Variants in MBD5 observed in about 807,000 individuals in gnomAD.
The protein encoded by MBD5 is methyl-CpG binding domain protein 5, also known as methyl-CpG-binding domain protein 5.
Under a neutral mutation model 117.3 loss-of-function variants are expected in MBD5, and 13 were observed. That is an observed-to-expected ratio of 0.11 (90% confidence interval 0.07 to 0.18). The LOEUF is 0.18. Ranked by LOEUF, MBD5 falls within the 10% of genes least tolerant of loss-of-function variation. The probability of loss-of-function intolerance (pLI) is 1.00; values close to 1 mark genes in which losing one functional copy is unlikely to be tolerated. For synonymous variants in MBD5, 727 were observed against 766.4 expected, an observed-to-expected ratio of 0.95 and a Z score of 0.85; for missense variants, 1,879 against 2,093.8, an observed-to-expected ratio of 0.90 and a Z score of 2.00.
chr2:148,273,583 A>G (rs1318031934), intron 3 of MBD5, among the ~76,000 whole-genome samples: 1 of 152,142 alleles, frequency 6.6e-6, no homozygotes, highest in African/African-American at 2.4e-5. Flanking sequence ...AAACAGTGCA[A>G]GAATACAGCT....
chr2:148,508,014 T>C (rs1026547379), intron 12 of MBD5, among the ~76,000 whole-genome samples: 4 of 152,094 alleles, frequency 2.6e-5, no homozygotes, highest in Admixed American at 2.6e-4. Context: ...ACAAAAGAAA[T>C]AGTGAGGATA....
rs1355698640 is a variant in MBD5, at chr2:148,021,578, C to G, written c.-1031C>G. ...CCCAGGAGCAGCCACTTCCCCAGCT[C>G]TCCTCCTCCTCCTTCGCCTCCTCCT... On this transcript the variant is annotated 5_prime_UTR_variant, in exon 1 of 14. Transcript: ENST00000642680. The G allele has an allele frequency of 2.0e-6, 1 of 497,790 alleles. No homozygotes were observed. The highest frequency in any genetic ancestry group is 3.9e-6 in the Non-Finnish European group (1 of 255,144). The allele number at this position is 497,790 out of a possible 1,614,324, so 30.8% of individuals were successfully genotyped here.
chr2:148,278,372 TAGAG>T (rs1701163804), intron 3 of MBD5, among the ~76,000 whole-genome samples: 1 of 152,178 alleles, frequency 6.6e-6, no homozygotes, highest in Non-Finnish European at 1.5e-5. Flanking sequence ...ATATAGCTGA[TAGAG>T]AGGCTTGTTG....
At chr2:148,177,303 GC>G (rs2105833184) in intron 1 of MBD5, among the ~76,000 whole-genome samples, 1 of 152,258 alleles carries the variant, frequency 6.6e-6, no homozygotes, top group East Asian at 1.9e-4. Context: ...TAATCAAGAT[GC>G]CTGTAAAGAA....
chr2:148,057,875 A>G (rs950005097), intron 1 of MBD5, among the ~76,000 whole-genome samples: 7 of 151,860 alleles, frequency 4.6e-5, no homozygotes, highest in Non-Finnish European at 1.0e-4. Flanking sequence ...TTGTTGTTTT[A>G]TTGCTGCTTT....
intron 4 of MBD5, among the ~76,000 whole-genome samples, chr2:148,445,305 G>A (rs1212501531): frequency 6.7e-6 from 1 of 149,534 alleles, no homozygotes; most frequent in Non-Finnish European, 1.5e-5. Context: ...CCCCATGACA[G>A]GCCCCAGTGT....
intron 4 of MBD5, among the ~76,000 whole-genome samples, chr2:148,370,126 A>C (rs1243648930): frequency 6.6e-6 from 1 of 152,144 alleles, no homozygotes; most frequent in Non-Finnish European, 1.5e-5. Flanking sequence ...ATGTTTTGTT[A>C]AAAAAGACTT....
chr2:148,231,059 A>G (rs1217991443), intron 2 of MBD5, among the ~76,000 whole-genome samples: 2 of 152,122 alleles, frequency 1.3e-5, no homozygotes, highest in African/African-American at 4.8e-5. Flanking sequence ...CTGGTGTCTC[A>G]GTAAGTCACA....
At chr2:148,087,955 T>C (rs1044851551) in intron 1 of MBD5, among the ~76,000 whole-genome samples, 17 of 151,228 alleles carry the variant, frequency 1.1e-4, no homozygotes, top group African/African-American at 4.1e-4. Flanking sequence ...CCATCTGAAA[T>C]AAATTTTAAA....
intron 4 of MBD5, among the ~76,000 whole-genome samples, chr2:148,380,869 T>C (rs1212676979): frequency 6.6e-6 from 1 of 152,096 alleles, no homozygotes; most frequent in East Asian, 1.9e-4. Context: ...GGGTCTGGAG[T>C]GGACCTCCAG....
chr2:148,473,816 C>A (rs1680871625), intron 8 of MBD5, among the ~76,000 whole-genome samples: 2 of 152,180 alleles, frequency 1.3e-5, no homozygotes, highest in African/African-American at 4.8e-5. Context: ...TTTATTAATT[C>A]TACTTTGTGT....
intron 3 of MBD5, among the ~76,000 whole-genome samples, chr2:148,312,157 G>T (rs1042491490): frequency 2.0e-5 from 3 of 152,116 alleles, no homozygotes; most frequent in Non-Finnish European, 4.4e-5. Flanking sequence ...GAGTATCTTT[G>T]TGGTGTTCTC....
At chr2:148,427,822 A>G (rs1160120454) in intron 4 of MBD5, among the ~76,000 whole-genome samples, 1 of 152,014 alleles carries the variant, frequency 6.6e-6, no homozygotes, top group Non-Finnish European at 1.5e-5. Flanking sequence ...ATGAAAAAAG[A>G]AGGAAATACC....
At chr2:148,237,290 T>C (rs1401079929) in intron 3 of MBD5, among the ~76,000 whole-genome samples, 1 of 152,238 alleles carries the variant, frequency 6.6e-6, no homozygotes, top group Non-Finnish European at 1.5e-5. Flanking sequence ...GGGCGCAAGA[T>C]GCCTGGCTTT....
chr2:148,285,484 A>G (rs1396568901), intron 3 of MBD5, among the ~76,000 whole-genome samples: 1 of 152,246 alleles, frequency 6.6e-6, no homozygotes, highest in Non-Finnish European at 1.5e-5. Flanking sequence ...TGTTTGAAGC[A>G]TCTACTTTCT....
intron 4 of MBD5, among the ~76,000 whole-genome samples, chr2:148,447,191 GAAA>G (rs1706574906): frequency 1.0e-4 from 1 of 9,538 alleles, no homozygotes; most frequent in African/African-American, 1.2e-4. Context: ...AAGAAAGAAA[GAAA>G]GAAAGAAAGA....
At chr2:148,442,775 A>G (rs1283965677) in intron 4 of MBD5, among the ~76,000 whole-genome samples, 3 of 151,424 alleles carry the variant, frequency 2.0e-5, no homozygotes, top group African/African-American at 7.4e-5. Context: ...CAGATATCTA[A>G]GACCTCAAAC....
intron 4 of MBD5, among the ~76,000 whole-genome samples, chr2:148,451,001 A>T (rs1270420168): frequency 6.6e-6 from 1 of 152,186 alleles, no homozygotes; most frequent in East Asian, 1.9e-4. Context: ...GATGAAAAAT[A>T]TAACTTTCCT....
At chr2:148,248,808 A>G (rs1262798611) in intron 3 of MBD5, among the ~76,000 whole-genome samples, 1 of 152,130 alleles carries the variant, frequency 6.6e-6, no homozygotes. Flanking sequence ...GTGGAACAAA[A>G]TAGATTGCTT....
Sources: allele counts gnomAD v4.1 joint callset (sites outside exome capture counted in the v4.1 genomes callset), GRCh38; gene constraint gnomAD v4.1.1; transcripts MANE v1.5; gene names NCBI Gene and HGNC (gene_info 2026-07-23, HGNC 2026-07-21).